The following LAMA2 variants were observed in gnomAD, a reference collection of about 807,000 sequenced individuals.
LAMA2 encodes the protein laminin subunit alpha-2.
LAMA2 carries 269 observed loss-of-function variants against 364.8 expected under a neutral mutation model. The ratio of observed to expected loss-of-function variants is 0.74; its 90% CI spans 0.67 to 0.82. LAMA2 has a LOEUF of 0.82. LAMA2 is among the 40% of genes least tolerant of loss of function. The pLI is 0.00. For missense variants in LAMA2, 3,807 were observed against 3,873.2 expected, an observed-to-expected ratio of 0.98 and a Z score of 0.45; for synonymous variants, 1,379 against 1,370.6, an observed-to-expected ratio of 1.01 and a Z score of -0.14.
intron 41 of LAMA2, among the ~76,000 whole-genome samples, chr6:129,428,258 T>A (rs944979831): frequency 1.2e-4 from 19 of 152,108 alleles, no homozygotes; most frequent in Non-Finnish European, 1.5e-5. Context: ...AGCAAGATCC[T>A]GTCTCTACAA....
intron 1 of LAMA2, among the ~76,000 whole-genome samples, chr6:128,965,237 A>G (rs1306519838): frequency 6.6e-6 from 1 of 152,088 alleles, no homozygotes; most frequent in Non-Finnish European, 1.5e-5. Flanking sequence ...TGACCAATAT[A>G]TTGGAAAACT....
chr6:129,072,084 T>C (rs911391402), intron 3 of LAMA2, among the ~76,000 whole-genome samples: 1 of 151,928 alleles, frequency 6.6e-6, no homozygotes, highest in East Asian at 1.9e-4. Context: ...GAGGTAGAGG[T>C]TGTGGTGAGC....
intron 18 of LAMA2, among the ~76,000 whole-genome samples, chr6:129,281,430 T>C (rs553467105): frequency 1.1e-3 from 164 of 152,320 alleles, no homozygotes; most frequent in African/African-American, 3.4e-3. Flanking sequence ...GATGTACTTA[T>C]ATTGCTTTGC....
chr6:129,012,427 T>C (rs187598679), intron 1 of LAMA2, among the ~76,000 whole-genome samples: 69 of 152,314 alleles, frequency 4.5e-4, no homozygotes, highest in Non-Finnish European at 8.2e-4. Context: ...TAATGTAAAA[T>C]CAAAATTATT....
chr6:129,504,365 T>A (rs1274628663), intron 60 of LAMA2, among the ~76,000 whole-genome samples: 1 of 152,232 alleles, frequency 6.6e-6, no homozygotes, highest in African/African-American at 2.4e-5. Context: ...AAAGGGAACT[T>A]AAATACTATA....
intron 1 of LAMA2, among the ~76,000 whole-genome samples, chr6:128,902,421 C>A (rs1244521023): frequency 6.6e-6 from 1 of 152,096 alleles, no homozygotes; most frequent in African/African-American, 2.4e-5. Context: ...AATTTTGAGA[C>A]AAATTCCACC....
rs140358142 is a variant in LAMA2, at chr6:128,912,709, A to T, written c.112+29352A>T. The stretch of plus-strand genomic sequence containing the variant: ...TCAGGAATGGCATAGTAGGGAAAAA[A>T]GTAAGTGTATGTATATCATTAGATT... On this transcript the variant is annotated intron_variant, in intron 1 of 64. Coordinates refer to ENST00000421865, the MANE Select transcript of LAMA2 (RefSeq NM_000426.4). Among the ~76,000 whole-genome samples, 1,090 of 152,338 alleles carry T rather than the reference A, an allele frequency of 7.2e-3. 12 individuals carry two copies. The highest frequency in any genetic ancestry group is 0.012 in the Non-Finnish European group (823 of 68,030).
chr6:129,374,205 A>T (rs1445086382), intron 34 of LAMA2, among the ~76,000 whole-genome samples: 2 of 152,326 alleles, frequency 1.3e-5, no homozygotes, highest in Non-Finnish European at 1.5e-5. Flanking sequence ...ATTAATACAG[A>T]TGGAATTATA....
chr6:129,258,124 T>C (rs559622118), intron 14 of LAMA2, among the ~76,000 whole-genome samples: 3 of 152,170 alleles, frequency 2.0e-5, no homozygotes, highest in South Asian at 4.1e-4. Context: ...CATATATAGA[T>C]GGCAAGATAG....
chr6:129,437,130 G>A (rs534233732), intron 41 of LAMA2: 2 of 152,186 alleles, frequency 1.3e-5, no homozygotes, highest in Admixed American at 6.6e-5. Context: ...CTAATCCCTA[G>A]TTTTGACTAT....
chr6:129,378,402 C>T (rs1363764059), intron 34 of LAMA2, among the ~76,000 whole-genome samples: 1 of 152,154 alleles, frequency 6.6e-6, no homozygotes, highest in East Asian at 1.9e-4. Flanking sequence ...TATCTATCAC[C>T]ACTACCCATA....
intron 10 of LAMA2, among the ~76,000 whole-genome samples, chr6:129,182,208 A>C (rs1457182328): frequency 2.0e-5 from 3 of 151,850 alleles, no homozygotes; most frequent in Non-Finnish European, 4.4e-5. Context: ...AAGAACATAA[A>C]ATTCTAAATG....
intron 1 of LAMA2, among the ~76,000 whole-genome samples, chr6:128,956,887 G>A (rs150887703): frequency 2.0e-5 from 3 of 152,088 alleles, no homozygotes; most frequent in African/African-American, 7.2e-5. Context: ...TGTGTGGAGT[G>A]AAGAAAAATT....
At chr6:129,227,863 A>G (rs1784416454) in intron 12 of LAMA2, among the ~76,000 whole-genome samples, 1 of 152,182 alleles carries the variant, frequency 6.6e-6, no homozygotes, top group Non-Finnish European at 1.5e-5. Context: ...GCTGTCAGAC[A>G]GGGACATTTA....
intron 1 of LAMA2, among the ~76,000 whole-genome samples, chr6:129,015,424 T>C (rs1785010470): frequency 6.6e-6 from 1 of 152,112 alleles, no homozygotes; most frequent in African/African-American, 2.4e-5. Flanking sequence ...GTGTTATGGA[T>C]TGTAAGAGTG....
At chr6:128,996,669 C>T (rs976586788) in intron 1 of LAMA2, among the ~76,000 whole-genome samples, 1 of 152,188 alleles carries the variant, frequency 6.6e-6, no homozygotes, top group South Asian at 2.1e-4. Context: ...TGCTTTTACA[C>T]TGTTAGTGTG....
intron 1 of LAMA2, among the ~76,000 whole-genome samples, chr6:128,974,007 T>C (rs1782365779): frequency 6.6e-6 from 1 of 152,178 alleles, no homozygotes; most frequent in South Asian, 2.1e-4. Context: ...TCAACTGCTT[T>C]TCTAAGCTTT....
chr6:128,964,019 C>G (rs1176320497), intron 1 of LAMA2, among the ~76,000 whole-genome samples: 1 of 151,994 alleles, frequency 6.6e-6, no homozygotes, highest in Non-Finnish European at 1.5e-5. Context: ...TGCTGATCGC[C>G]TTTCATGAAC....
intron 1 of LAMA2, among the ~76,000 whole-genome samples, chr6:129,043,287 T>A (rs925495210): frequency 3.0e-4 from 46 of 152,204 alleles, no homozygotes; most frequent in Non-Finnish European, 5.9e-4. Flanking sequence ...ATATTCTATT[T>A]ACAAACATAT....
Sources: gnomAD v4.1 joint callset for allele counts (sites outside exome capture counted in the v4.1 genomes callset) on GRCh38, gnomAD v4.1.1 for gene constraint, MANE v1.5 for transcripts, NCBI Gene and HGNC (gene_info 2026-07-23, HGNC 2026-07-21) for gene names.